PCDHGA5: variants seen among roughly 807,000 people sequenced by gnomAD.
PCDHGA5 encodes protocadherin gamma subfamily A, 5.
PCDHGA5 carries 36 observed loss-of-function variants against 56.7 expected under a neutral mutation model. That is an observed-to-expected ratio of 0.64 (90% CI 0.49 to 0.84). The LOEUF is 0.84. PCDHGA5 is among the 40% of genes least tolerant of loss of function. The probability of loss-of-function intolerance (pLI) is 0.00; values close to 1 mark genes in which losing one functional copy is unlikely to be tolerated. For missense variants in PCDHGA5, 1,305 were observed against 1,201.5 expected, an observed-to-expected ratio of 1.09 and a Z score of -1.27; for synonymous variants, 563 against 520.2, an observed-to-expected ratio of 1.08 and a Z score of -1.12.
chr5:141,406,257 C>T (rs1180988990), intron 1 of PCDHGA5, among the ~76,000 whole-genome samples: 1 of 151,898 alleles, frequency 6.6e-6, no homozygotes, highest in African/African-American at 2.4e-5. Context: ...TGGTCTCAAA[C>T]GATCTTCCTG....
chr5:141,510,435 C>T (rs938448523), intron 3 of PCDHGA5, among the ~76,000 whole-genome samples: 2 of 152,108 alleles, frequency 1.3e-5, no homozygotes, highest in Non-Finnish European at 2.9e-5. Context: ...ATGGCTGCTG[C>T]CCTCCAGGAG....
Position 141,446,243 on chromosome 5 carries a change from C to T in PCDHGA5, c.2422-48564C>T, listed in dbSNP as rs552551215. Among the ~76,000 whole-genome samples, 23 of 152,096 alleles carry T rather than the reference C, an allele frequency of 1.5e-4. 1 individual carries two copies. The South Asian group carries it at 4.6e-3, about 30-fold the overall frequency. On this transcript the variant is annotated intron_variant, in intron 1 of 3. Coordinates refer to ENST00000518069, the MANE Select transcript of PCDHGA5 (RefSeq NM_018918.3). ...TTGTGTTGCCTGGCAAGTGGTAGAT[C>T]TTCAGTGAAATATTATTAACTGAAT...
rs777293240 is a variant in PCDHGA5, at chr5:141,393,034, T to A, written c.2421+26283T>A. The A allele has an allele frequency of 1.3e-5, 21 of 1,613,636 alleles. No homozygotes were observed. Among genetic ancestry groups the A allele is most frequent in the Admixed American group, 6.7e-5 (4 of 59,986 alleles). Reference sequence around the variant, plus strand: ...ATCGTCTCCAGAGGTAGGACGCAGCTCTTTGCTCTGAACCCGCGCAGCGGC... The same window carrying A: ...ATCGTCTCCAGAGGTAGGACGCAGCACTTTGCTCTGAACCCGCGCAGCGGC... On this transcript the variant is annotated intron_variant, in intron 1 of 3. Coordinates refer to ENST00000518069, the MANE Select transcript of PCDHGA5 (RefSeq NM_018918.3).
chr5:141,433,042 G>C (rs752612411), intron 1 of PCDHGA5: 6 of 1,614,142 alleles, frequency 3.7e-6, no homozygotes, highest in Non-Finnish European at 5.1e-6. Flanking sequence ...CCCTCACCAC[G>C]GACTCGCGGA....
At chr5:141,505,028 G>A (rs2099842951) in intron 2 of PCDHGA5, among the ~76,000 whole-genome samples, 1 of 152,164 alleles carries the variant, frequency 6.6e-6, no homozygotes, top group Admixed American at 6.5e-5. Flanking sequence ...CTGGCACAGT[G>A]GCAGGTGCCT....
chr5:141,422,028 A>C, intron 1 of PCDHGA5: 1 of 1,611,196 alleles, frequency 6.2e-7, no homozygotes, highest in Non-Finnish European at 8.5e-7. Flanking sequence ...TGGTTAATGC[A>C]ACGGATCCAG....
At chr5:141,463,402 T>C (rs1214124103) in intron 1 of PCDHGA5, among the ~76,000 whole-genome samples, 1 of 149,978 alleles carries the variant, frequency 6.7e-6, no homozygotes, top group African/African-American at 2.5e-5. Context: ...GCAAAAAAAA[T>C]GGAGATCCTA....
intron 1 of PCDHGA5, chr5:141,404,823 G>A (rs1283913930): frequency 6.2e-7 from 1 of 1,610,946 alleles, no homozygotes. Flanking sequence ...CTGCACACAG[G>A]TGAAGTGCGC....
intron 1 of PCDHGA5, chr5:141,389,105 T>C (rs1394118929): frequency 1.9e-6 from 3 of 1,614,018 alleles, no homozygotes; most frequent in East Asian, 2.2e-5. Context: ...CAGATGCTGT[T>C]CTAGACCGCG....
chr5:141,408,362 C>T (rs773344794), intron 1 of PCDHGA5: 36 of 1,613,850 alleles, frequency 2.2e-5, no homozygotes, highest in Non-Finnish European at 3.1e-5. Flanking sequence ...CGCTAAGGAT[C>T]TAGGGCTCAG....
At chr5:141,384,183 A>G (rs1779806989) in intron 1 of PCDHGA5, 11 of 1,613,812 alleles carry the variant, frequency 6.8e-6, no homozygotes, top group Non-Finnish European at 9.3e-6. Context: ...CAGATGGTGG[A>G]ACTCCTCCCT....
Position 141,432,668 on chromosome 5 carries a change from G to C in PCDHGA5, c.2422-62139G>C, listed in dbSNP as rs1202414814. 2.5e-6 allele frequency: 4 copies of C among 1,613,742 alleles called. No individual in the cohort carries two copies. The highest frequency in any genetic ancestry group is 2.2e-5 in the South Asian group (2 of 91,068). On this transcript the variant is annotated intron_variant, in intron 1 of 3. Coordinates refer to ENST00000518069, the MANE Select transcript of PCDHGA5 (RefSeq NM_018918.3). This position sits in a 1 kb window ranked among gnomAD's most constrained non-coding sequence, Gnocchi z 6.0. The stretch of plus-strand genomic sequence containing the variant: ...GGCGCGAGCCCTGCTGGACAGAGAC[G>C]CGCTCAAGCAGAGCCTCGTAGTGGC...
chr5:141,494,394 T>C (rs1437164389), intron 1 of PCDHGA5, among the ~76,000 whole-genome samples: 1 of 152,154 alleles, frequency 6.6e-6, no homozygotes, highest in African/African-American at 2.4e-5. Flanking sequence ...GTTGAATAAA[T>C]TCATTCTAGG....
chr5:141,455,924 G>A (rs2098837630), intron 1 of PCDHGA5, among the ~76,000 whole-genome samples: 1 of 149,978 alleles, frequency 6.7e-6, no homozygotes. Flanking sequence ...TTGAGACGGA[G>A]TCTCGCTCTG....
At chr5:141,441,196 G>C (rs575668023) in intron 1 of PCDHGA5, 2 of 152,266 alleles carry the variant, frequency 1.3e-5, no homozygotes, top group East Asian at 3.9e-4. Flanking sequence ...GATTCCCAAA[G>C]ATTCTGCACC....
At chr5:141,421,679 C>T (rs1210753842) in intron 1 of PCDHGA5, 2 of 1,613,810 alleles carry the variant, frequency 1.2e-6, no homozygotes, top group Admixed American at 1.7e-5. Context: ...ATTCCTGGGG[C>T]GCGATTTGCT....
rs1224943883 is a variant in PCDHGA5 at position 141,493,516 on chromosome 5, G to A, written c.2422-1291G>A. Among the ~76,000 whole-genome samples, 1 of 152,122 alleles carries A rather than the reference G, an allele frequency of 6.6e-6. No individual in the cohort carries two copies. The highest frequency in any genetic ancestry group is 1.5e-5 in the Non-Finnish European group (1 of 68,036). On this transcript the variant is annotated intron_variant, in intron 1 of 3. Coordinates refer to ENST00000518069, the MANE Select transcript of PCDHGA5 (RefSeq NM_018918.3). The surrounding 1 kb of genome is among the most constrained non-coding windows in gnomAD (Gnocchi z 4.3). ...GGCTCCTCATTTCTGAGCAGTCCCC[G>A]CAGCGCAAACTTGGCCAGTTATCCT...
rs766110369 is a variant in PCDHGA5 at position 141,366,029 on chromosome 5, C to A, written c.1699C>A (p.Leu567Ile). Residue 567 changes from leucine (L) to isoleucine (I), a missense_variant, in exon 1 of 4, where the codon CTC (leucine) becomes ATC (isoleucine). Leu to Ile is a conservative substitution (Grantham distance 5). Transcript: ENST00000518069. Reference protein sequence around the residue: ...DNTPEILYPALPTDGSTGVEL... With the variant: ...DNTPEILYPAIPTDGSTGVEL... The stretch of plus-strand genomic sequence containing the variant: ...TACGCCTGAGATCCTGTACCCCGCC[C>A]TCCCCACAGACGGTTCCACGGGCGT... The A allele has an allele frequency of 6.2e-7, 1 of 1,614,260 alleles. No homozygotes were observed. Among genetic ancestry groups the A allele is most frequent in the Non-Finnish European group, 8.5e-7 (1 of 1,180,050 alleles).
At chr5:141,380,278 A>G (rs1443350334) in intron 1 of PCDHGA5, among the ~76,000 whole-genome samples, 3 of 152,216 alleles carry the variant, frequency 2.0e-5, no homozygotes, top group African/African-American at 7.2e-5. Context: ...TCAGAGGAGA[A>G]ACATTGGAAG....
Sources: allele counts gnomAD v4.1 joint callset (sites outside exome capture counted in the v4.1 genomes callset), GRCh38; gene constraint gnomAD v4.1.1; non-coding constraint Gnocchi (gnomAD v3.1); transcripts MANE v1.5; gene names NCBI Gene and HGNC (gene_info 2026-07-23, HGNC 2026-07-21).